FXYD3: variants seen among roughly 807,000 people sequenced by gnomAD.
FXYD3 encodes FXYD domain-containing ion transport regulator 3.
FXYD3 carries 13 observed loss-of-function variants against 19.2 expected under a neutral mutation model. The observed-to-expected ratio is 0.68, with a 90% CI of 0.44 to 1.08. The LOEUF (loss-of-function observed/expected upper bound fraction) is 1.08. FXYD3 is among the 50% of genes least tolerant of loss of function. The pLI is 0.00. For missense variants in FXYD3, 101 were observed against 109.4 expected (o/e 0.92, Z 0.34); for synonymous variants, 48 against 38.9 (o/e 1.23, Z -0.87).
At chr19:35,118,881 A>T (rs1225831291) in intron 2 of FXYD3, among the ~76,000 whole-genome samples, 1 of 152,056 alleles carries the variant, frequency 6.6e-6, no homozygotes, top group Non-Finnish European at 1.5e-5. Flanking sequence ...GTCTACGGAG[A>T]CACTCCTGGG....
chr19:35,116,300 G>A lies in FXYD3; in HGVS notation c.-74G>A. The stretch of plus-strand genomic sequence containing the variant: ...GCGTGGCAGCTTCGGATAAACGCAG[G>A]ACTCCGCCTGGCAGCCCGATTTCTC... On this transcript the variant is annotated 5_prime_UTR_variant, in exon 2 of 9. Coordinates refer to ENST00000604404, the MANE Select transcript of FXYD3 (RefSeq NM_005971.4). The A allele has an allele frequency of 1.0e-6, 1 of 985,458 alleles. No homozygotes were observed. Among genetic ancestry groups the A allele is most frequent in the African/African-American group, 1.7e-5 (1 of 57,340 alleles). The allele number at this position is 985,458 out of a possible 1,614,324, so 61.0% of individuals were successfully genotyped here. A position where few individuals can be genotyped will look rare whatever the true frequency, so the allele number is the denominator to read the frequency against.
chr19:35,117,266 C>T (rs369605229), intron 2 of FXYD3: 112 of 1,496,848 alleles, frequency 7.5e-5, no homozygotes, highest in Middle Eastern at 1.7e-4. Flanking sequence ...GAGGCTGGGG[C>T]GAGGAGGATA....
At chr19:35,116,437 C>T in intron 2 of FXYD3, 78 bp downstream of exon 2, 2 of 985,416 alleles carry the variant, frequency 2.0e-6, no homozygotes, top group Non-Finnish European at 2.4e-6. Flanking sequence ...TGCCCCCTGA[C>T]CCTGCCCCAT....
At chr19:35,119,670 T>G (rs1162826061) in intron 3 of FXYD3, 1 of 454,402 alleles carries the variant, frequency 2.2e-6, no homozygotes, top group Non-Finnish European at 3.8e-6. Flanking sequence ...TTTGTTTTTG[T>G]TTTTGTTTTT....
intron 5 of FXYD3, 27 bp downstream of exon 5, chr19:35,121,272 C>A: frequency 6.2e-7 from 1 of 1,614,072 alleles, no homozygotes; most frequent in Non-Finnish European, 8.5e-7. Context: ...CCTTTCCCCT[C>A]CCCACAACCC....
intron 2 of FXYD3, among the ~76,000 whole-genome samples, chr19:35,117,627 T>G (rs1458726911): frequency 6.6e-6 from 1 of 151,734 alleles, no homozygotes; most frequent in Non-Finnish European, 1.5e-5. Context: ...ACCTACAACC[T>G]GTGCCCCTAT....
At position 35,121,084 on chromosome 19, in the gene FXYD3, C is replaced by T. The variant is rs1211137208; in HGVS notation, c.47C>T (p.Pro16Leu). 1 of 1,612,758 alleles carries T rather than the reference C, an allele frequency of 6.2e-7. No individual in the cohort carries two copies. The highest frequency in any genetic ancestry group is 1.3e-5 in the African/African-American group (1 of 74,904). ...LGLLVFLAGF[P>L]VLDANDLEDK... is the part of the protein sequence containing the mutation. ...TCCCCTCTTCTCCCACTAGGCTTTC[C>T]TGTCCTGGACGCCAATGACCTAGAA... The change falls in exon 4 of 9, where the codon CCT (proline) becomes CTT (leucine). Residue 16 changes from proline to leucine, a missense_variant. Transcript: ENST00000604404.
chr19:35,123,032 G>C lies in FXYD3; in HGVS notation c.209+78G>C. On this transcript the variant is annotated intron_variant, in intron 7 of 8. Transcript: ENST00000604404. ...GTGAAAGGGCTAACTCTCCCAGCAG[G>C]AGAGGCCTCGGGGCTCTGCCCTTTA... 3 of 1,499,562 alleles carry C rather than the reference G, an allele frequency of 2.0e-6. No homozygotes were observed. In the South Asian group the frequency reaches 4.1e-5, roughly 20 times the overall value. 92.9% of individuals were successfully genotyped at this position (1,499,562 alleles called of 1,614,324 possible). A position where few individuals can be genotyped will look rare whatever the true frequency, so the allele number is the denominator to read the frequency against.
At chr19:35,118,283 G>A (rs2064946735) in intron 2 of FXYD3, 1 of 167,476 alleles carries the variant, frequency 6.0e-6, no homozygotes, top group Admixed American at 6.6e-5. Flanking sequence ...TTGAACCCAG[G>A]AGGCAGAGGT....
Position 35,123,688 on chromosome 19 carries a change from G to C in FXYD3, c.*231G>C, listed in dbSNP as rs1487404676. 2 of 584,934 alleles carry C rather than the reference G, an allele frequency of 3.4e-6. No homozygotes were observed. Among genetic ancestry groups the C allele is most frequent in the African/African-American group, 1.9e-5 (1 of 53,588 alleles). The allele number at this position is 584,934 out of a possible 1,614,324, so 36.2% of individuals were successfully genotyped here. A position where few individuals can be genotyped will look rare whatever the true frequency, so the allele number is the denominator to read the frequency against. On this transcript the variant is annotated 3_prime_UTR_variant, in exon 9 of 9. Coordinates refer to ENST00000604404, the MANE Select transcript of FXYD3 (RefSeq NM_005971.4). ...CTGGAGACTTCCTATGTGTGCATTGGGGTGGGGCTTGGGGCACCATGAGAA... is the reference window on the plus strand; with the variant it reads ...CTGGAGACTTCCTATGTGTGCATTGCGGTGGGGCTTGGGGCACCATGAGAA...
At position 35,122,782 on chromosome 19, in the gene FXYD3, G is replaced by T. The variant is rs377486515; in HGVS notation, c.115G>T (p.Val39Phe). Reference sequence around the variant, plus strand: ...CCTCCTAGACTGGCACAGCCTCCAGGTTGGCGGGCTCATCTGCGCTGGGGT... The same window carrying T: ...CCTCCTAGACTGGCACAGCCTCCAGTTTGGCGGGCTCATCTGCGCTGGGGT... ...PFYYDWHSLQ[V>F]GGLICAGVLC... The change falls in exon 6 of 9, where the codon GTT becomes TTT. Residue 39 changes from valine to phenylalanine, a missense_variant. Transcript: ENST00000604404. The T allele has an allele frequency of 1.9e-6, 3 of 1,613,576 alleles. No homozygotes were observed. The highest frequency in any genetic ancestry group is 2.5e-6 in the Non-Finnish European group (3 of 1,179,954).
In FXYD3 at chr19:35,123,432, T is replaced by C. The variant is rs1672974; in HGVS notation, c.248-9T>C. Reference sequence around the variant, plus strand: ...CACCCTCACAAACGGACCCCATCACTTCCCGCAGGCTCAGCCCAAAGCTGA... The same window carrying C: ...CACCCTCACAAACGGACCCCATCACCTCCCGCAGGCTCAGCCCAAAGCTGA... On this transcript the variant is annotated splice_polypyrimidine_tract_variant and intron_variant, in intron 8 of 8. Transcript: ENST00000604404. 1,009,790 of 1,613,120 alleles carry C rather than the reference T, an allele frequency of 0.63. 318,492 individuals carry two copies. Among genetic ancestry groups the C allele is most frequent in the South Asian group, 0.73 (66,793 of 91,040 alleles).
intron 5 of FXYD3, 79 bp from the exon 6 acceptor site, chr19:35,122,686 T>G: frequency 1.7e-6 from 2 of 1,151,706 alleles, no homozygotes; most frequent in Non-Finnish European, 2.6e-6. Context: ...AGGTGCTCCA[T>G]ATATATTTGT....
chr19:35,119,222 C>A, intron 2 of FXYD3, 141 bp from the exon 3 acceptor site: 1 of 1,599,166 alleles, frequency 6.3e-7, no homozygotes, highest in Non-Finnish European at 8.5e-7. Flanking sequence ...TATCTCTCAG[C>A]CCAGCGAGAT....
chr19:35,122,978 C>A (rs147137337), intron 7 of FXYD3, 24 bp downstream of exon 7: 4 of 1,556,554 alleles, frequency 2.6e-6, no homozygotes, highest in Non-Finnish European at 3.5e-6. Context: ...CCGGCATGCC[C>A]GCCTCAGGCT....
At chr19:35,119,772 G>A in intron 3 of FXYD3, 1 of 311,696 alleles carries the variant, frequency 3.2e-6, no homozygotes, top group Non-Finnish European at 6.0e-6. Flanking sequence ...CTGGGGTCAA[G>A]CGATCCTACT....
chr19:35,121,406 C>A, intron 5 of FXYD3, 161 bp downstream of exon 5: 3 of 1,562,286 alleles, frequency 1.9e-6, no homozygotes, highest in Non-Finnish European at 2.6e-6. Context: ...ATTAAAGGAA[C>A]TAGAGGCAGC....
intron 2 of FXYD3, chr19:35,117,156 C>T (rs1688023): frequency 0.57 from 773,967 of 1,361,962 alleles, 223,773 homozygotes; most frequent in Middle Eastern, 0.6. Context: ...GAGCAGCCCA[C>T]AGCCTCTTCA....
chr19:35,123,644 G>T lies in FXYD3; in HGVS notation c.*187G>T. On this transcript the variant is annotated 3_prime_UTR_variant, in exon 9 of 9. Coordinates refer to ENST00000604404, the MANE Select transcript of FXYD3 (RefSeq NM_005971.4). Reference sequence around the variant, plus strand: ...CAATTTTTTTTAATCTAAAATGATTGTGCCTCTGCCCAAGCAGCCTGGAGA... The same window carrying T: ...CAATTTTTTTTAATCTAAAATGATTTTGCCTCTGCCCAAGCAGCCTGGAGA... 2 of 640,416 alleles carry T rather than the reference G, an allele frequency of 3.1e-6. No individual in the cohort carries two copies. Among genetic ancestry groups the T allele is most frequent in the Non-Finnish European group, 5.4e-6 (2 of 367,334 alleles). 39.7% of individuals were successfully genotyped at this position (640,416 alleles called of 1,614,324 possible).
Sources: gnomAD v4.1 joint callset for allele counts (sites outside exome capture counted in the v4.1 genomes callset) on GRCh38, gnomAD v4.1.1 for gene constraint, MANE v1.5 for transcripts, NCBI Gene and HGNC (gene_info 2026-07-23, HGNC 2026-07-21) for gene names.